The following SH3PXD2A variants were observed in gnomAD, a reference collection of about 807,000 sequenced individuals.
SH3PXD2A encodes SH3 and PX domain-containing protein 2A.
Under a neutral mutation model 115.2 loss-of-function variants are expected in SH3PXD2A, and 32 were observed. That is an observed-to-expected ratio of 0.28 (90% confidence interval 0.21 to 0.37). The LOEUF is 0.37. Among genes scored for constraint, SH3PXD2A ranks in the 10% least tolerant of loss-of-function variants. The probability of loss-of-function intolerance (pLI) is 1.00; values close to 1 mark genes in which losing one functional copy is unlikely to be tolerated. For synonymous variants in SH3PXD2A, 610 were observed against 629.1 expected (o/e 0.97, Z 0.45); for missense variants, 1,328 against 1,498.7 (o/e 0.89, Z 1.88).
intron 2 of SH3PXD2A, among the ~76,000 whole-genome samples, chr10:103,773,194 A>T (rs1731869352): frequency 6.9e-6 from 1 of 145,638 alleles, no homozygotes; most frequent in Admixed American, 7.0e-5. Flanking sequence ...ATTGCACTCC[A>T]GCCTGTGTGT....
chr10:103,836,429 G>C (rs1224884281), intron 1 of SH3PXD2A, among the ~76,000 whole-genome samples: 1 of 149,380 alleles, frequency 6.7e-6, no homozygotes, highest in Non-Finnish European at 1.5e-5. Flanking sequence ...CCCACACACA[G>C]ACACATCCAT....
rs543275949 is a variant in SH3PXD2A, at chr10:103,622,590, A to G, written c.719-37T>C. ...GATGGCGATGGAGCATGCGGCCAAC[A>G]GCAACCGGCGGAGAGAATGGAGATG... On this transcript the variant is annotated intron_variant, in intron 9 of 14. Transcript: ENST00000369774. The G allele has an allele frequency of 4.6e-5, 63 of 1,372,908 alleles. 1 individual carries two copies. In the Admixed American group the frequency reaches 9.6e-4, roughly 21 times the overall value. 85.0% of individuals were successfully genotyped at this position (1,372,908 alleles called of 1,614,324 possible). A position where few individuals can be genotyped will look rare whatever the true frequency, so the allele number is the denominator to read the frequency against.
chr10:103,738,515 C>T (rs765457465), intron 3 of SH3PXD2A, among the ~76,000 whole-genome samples: 8 of 151,960 alleles, frequency 5.3e-5, no homozygotes, highest in South Asian at 4.2e-4. Flanking sequence ...GTGACACCAG[C>T]GGTCCAGCCG....
At chr10:103,603,986 C>G (rs2036261712) in intron 14 of SH3PXD2A, among the ~76,000 whole-genome samples, 197 bp from the exon 15 acceptor site, 1 of 152,202 alleles carries the variant, frequency 6.6e-6, no homozygotes, top group South Asian at 2.1e-4. Context: ...TCTCTATCAT[C>G]TCATGGTTGG....
chr10:103,611,099 G>C (rs2036420458), intron 13 of SH3PXD2A, among the ~76,000 whole-genome samples: 1 of 152,134 alleles, frequency 6.6e-6, no homozygotes, highest in Non-Finnish European at 1.5e-5. Context: ...CTTAAAGCTG[G>C]GGCGTGAGCC....
intron 13 of SH3PXD2A, among the ~76,000 whole-genome samples, chr10:103,608,243 CCGGAA>C (rs1475735447): frequency 1.3e-5 from 2 of 148,356 alleles, no homozygotes; most frequent in Non-Finnish European, 3.0e-5. Context: ...TTCCGGAGTC[CCGGAA>C]GCCGGGAGAG....
At chr10:103,793,838 T>C (rs1221915810) in intron 2 of SH3PXD2A, among the ~76,000 whole-genome samples, 1 of 152,182 alleles carries the variant, frequency 6.6e-6, no homozygotes, top group South Asian at 2.1e-4. Flanking sequence ...TTCCTCCTCT[T>C]TTCTGCTTTC....
chr10:103,812,183 G>A (rs944571894), intron 1 of SH3PXD2A, among the ~76,000 whole-genome samples: 1 of 152,178 alleles, frequency 6.6e-6, no homozygotes, highest in Non-Finnish European at 1.5e-5. Flanking sequence ...ACCACCCTCT[G>A]GTCCCAAGTC....
chr10:103,788,116 G>A lies in SH3PXD2A; in HGVS notation c.153+13166C>T, dbSNP rs914445482. ...GATCGGAGCCCCTTCCCCTCTCCAG[G>A]GATGCCAGAGGCAGCACCAACAATC... is the stretch of plus-strand genomic sequence containing the variant. On this transcript the variant is annotated intron_variant, in intron 2 of 14. Coordinates refer to ENST00000369774, the MANE Select transcript of SH3PXD2A (RefSeq NM_001394015.1). Among the ~76,000 whole-genome samples the A allele has an allele frequency of 2.6e-5, 4 of 152,134 alleles. No homozygotes were observed. The South Asian group carries it at 6.2e-4, about 24-fold the overall frequency.
chr10:103,720,720 C>T lies in SH3PXD2A; in HGVS notation c.398+3550G>A, dbSNP rs1023282542. The stretch of plus-strand genomic sequence containing the variant: ...GCTGGAGGGAAGGGAGGTGCACAGT[C>T]GCCTGGAAAGGTCCAAACAGCCGGA... On this transcript the variant is annotated intron_variant, in intron 5 of 14. Transcript: ENST00000369774. Among the ~76,000 whole-genome samples the T allele has an allele frequency of 1.3e-4, 20 of 152,344 alleles. No individual in the cohort carries two copies. The South Asian group carries it at 3.5e-3, about 27-fold the overall frequency.
At chr10:103,652,047 G>A (rs977240430) in intron 8 of SH3PXD2A, among the ~76,000 whole-genome samples, 1 of 152,210 alleles carries the variant, frequency 6.6e-6, no homozygotes, top group Admixed American at 6.5e-5. Context: ...TTTGGCCTTT[G>A]CTCATTTCCC....
chr10:103,696,843 C>A (rs1218811559), intron 5 of SH3PXD2A, among the ~76,000 whole-genome samples: 1 of 152,192 alleles, frequency 6.6e-6, no homozygotes, highest in Non-Finnish European at 1.5e-5. Context: ...GACCCACAGT[C>A]CCAGGAAAAC....
At chr10:103,603,878 G>A in intron 14 of SH3PXD2A, 89 bp from the exon 15 acceptor site, 2 of 1,366,520 alleles carry the variant, frequency 1.5e-6, no homozygotes, top group Non-Finnish European at 1.9e-6. Flanking sequence ...TTTGGCTCTG[G>A]GATAAATTAT....
At chr10:103,675,545 T>G (rs184967613) in intron 6 of SH3PXD2A, among the ~76,000 whole-genome samples, 245 of 152,252 alleles carry the variant, frequency 1.6e-3, no homozygotes, top group Non-Finnish European at 2.9e-3. Context: ...GAAGGACTAT[T>G]TAGGGTCTCA....
chr10:103,817,602 A>G (rs975221656), intron 1 of SH3PXD2A, among the ~76,000 whole-genome samples: 2 of 152,080 alleles, frequency 1.3e-5, no homozygotes, highest in African/African-American at 4.8e-5. Context: ...TGGCCTCCCA[A>G]AGTGCTGGGA....
chr10:103,764,861 G>A (rs2038737218), intron 3 of SH3PXD2A, among the ~76,000 whole-genome samples: 1 of 152,130 alleles, frequency 6.6e-6, no homozygotes, highest in African/African-American at 2.4e-5. Context: ...GCCTCCCTTG[G>A]CCTCAGTTTC....
At position 103,846,638 on chromosome 10, in the gene SH3PXD2A, G is replaced by A. The variant is rs1048401533; in HGVS notation, c.72+8557C>T. Among the ~76,000 whole-genome samples, 20 of 152,306 alleles carry A rather than the reference G, an allele frequency of 1.3e-4. No individual in the cohort carries two copies. In the East Asian group the frequency reaches 2.5e-3, roughly 19 times the overall value. On this transcript the variant is annotated intron_variant, in intron 1 of 14. Coordinates refer to ENST00000369774, the MANE Select transcript of SH3PXD2A (RefSeq NM_001394015.1). ...AAAGCAGCTGTTATACCTGCCCTCC[G>A]CTCTGCAAGGCAAGCCTGAAAAGAA... is the stretch of plus-strand genomic sequence containing the variant.
chr10:103,762,774 C>T (rs1051861258), intron 3 of SH3PXD2A, among the ~76,000 whole-genome samples: 7 of 152,176 alleles, frequency 4.6e-5, no homozygotes, highest in Middle Eastern at 3.2e-3. Flanking sequence ...GGCTCTCTTA[C>T]GGGCAGTTCC....
At chr10:103,829,338 C>A (rs1290570075) in intron 1 of SH3PXD2A, among the ~76,000 whole-genome samples, 2 of 152,152 alleles carry the variant, frequency 1.3e-5, no homozygotes, top group Non-Finnish European at 2.9e-5. Flanking sequence ...ATTTATTATG[C>A]CTCTTTTAAG....
Sources: gnomAD v4.1 joint callset for allele counts (sites outside exome capture counted in the v4.1 genomes callset) on GRCh38, gnomAD v4.1.1 for gene constraint, MANE v1.5 for transcripts, NCBI Gene and HGNC (gene_info 2026-07-23, HGNC 2026-07-21) for gene names.